LIN9: variants seen among roughly 807,000 people sequenced by gnomAD.
LIN9 encodes protein lin-9 homolog.
A neutral mutation model predicts 78.0 loss-of-function variants in LIN9; 18 were observed. That is an observed-to-expected ratio of 0.23 (90% confidence interval 0.16 to 0.34). The LOEUF (loss-of-function observed/expected upper bound fraction) is 0.34. Ranked by LOEUF, LIN9 falls within the 10% of genes least tolerant of loss-of-function variation. The pLI, the probability that LIN9 is intolerant of heterozygous loss-of-function variation, is 1.00. For missense variants in LIN9, 451 were observed against 644.1 expected (o/e 0.70, Z 3.25); for synonymous variants, 192 against 215.2 (o/e 0.89, Z 0.94).
At chr1:226,252,337 T>TG (rs1576293636) in intron 10 of LIN9, among the ~76,000 whole-genome samples, 1 of 151,732 alleles carries the variant, frequency 6.6e-6, no homozygotes, top group South Asian at 2.1e-4. Context: ...AATGAATGAA[T>TG]GTCTCCTATC....
chr1:226,273,239 T>C (rs1312305720), intron 7 of LIN9, among the ~76,000 whole-genome samples: 2 of 150,906 alleles, frequency 1.3e-5, no homozygotes, highest in African/African-American at 4.9e-5. Context: ...CTGCCATCTT[T>C]TTTTTTTAAT....
At chr1:226,279,787 A>AT (rs1234561525) in intron 6 of LIN9, among the ~76,000 whole-genome samples, 1 of 150,096 alleles carries the variant, frequency 6.7e-6, no homozygotes, top group African/African-American at 2.4e-5. Flanking sequence ...AAAAAAAAAA[A>AT]GGAAGGAAAG....
intron 7 of LIN9, among the ~76,000 whole-genome samples, chr1:226,273,058 T>C (rs928035536): frequency 2.6e-5 from 4 of 151,984 alleles, no homozygotes; most frequent in South Asian, 2.1e-4. Flanking sequence ...CCTCGTGCCT[T>C]GGCCTCCCCC....
intron 1 of LIN9, among the ~76,000 whole-genome samples, chr1:226,306,154 G>A (rs11579072): frequency 0.23 from 35,175 of 151,618 alleles, 4,372 homozygotes; most frequent in South Asian, 0.33. Flanking sequence ...GTGAAACCCC[G>A]CCTCTACTAA....
At position 226,305,315 on chromosome 1, in the gene LIN9, GAAAAAAAA is replaced by G. The variant is rs111859953; in HGVS notation, c.31+3786_31+3793del. 2.2e-3 allele frequency among the ~76,000 whole-genome samples: 171 copies of G among 77,552 alleles called. No individual in the cohort carries two copies. The Middle Eastern group carries it at 0.037, about 17-fold the overall frequency. 50.9% of individuals were successfully genotyped at this position (77,552 alleles called of 152,430 possible). A position where few individuals can be genotyped will look rare whatever the true frequency, so the allele number is the denominator to read the frequency against. ...GGAGACCTCGTCTCTACAAAAAAAA[GAAAAAAAA>G]AAAAAAAAAAAAAAAAAACCTTAGT... is the stretch of plus-strand genomic sequence containing the variant. On this transcript the variant is annotated intron_variant, in intron 1 of 14. Coordinates refer to ENST00000681046, the MANE Select transcript of LIN9 (RefSeq NM_001366245.2).
intron 4 of LIN9, among the ~76,000 whole-genome samples, chr1:226,288,667 G>A (rs1247178995): frequency 6.6e-6 from 1 of 151,966 alleles, no homozygotes; most frequent in Non-Finnish European, 1.5e-5. Context: ...GTTTATAACA[G>A]CACAAAAATG....
intron 6 of LIN9, among the ~76,000 whole-genome samples, chr1:226,280,757 G>C (rs1027264851): frequency 6.6e-6 from 1 of 152,062 alleles, no homozygotes; most frequent in East Asian, 1.9e-4. Flanking sequence ...CCTGGCAACA[G>C]AGCGAGACTC....
chr1:226,247,730 G>A (rs1269131337), intron 11 of LIN9, among the ~76,000 whole-genome samples: 1 of 145,838 alleles, frequency 6.9e-6, no homozygotes, highest in Non-Finnish European at 1.5e-5. Context: ...AGAGTACAGT[G>A]GCACAATCTT....
chr1:226,296,841 G>A (rs1236165725), intron 3 of LIN9, among the ~76,000 whole-genome samples: 1 of 151,842 alleles, frequency 6.6e-6, no homozygotes, highest in African/African-American at 2.4e-5. Context: ...GGCAACACAA[G>A]GAGACCCCAT....
At chr1:226,279,471 C>CA (rs924132025) in intron 6 of LIN9, among the ~76,000 whole-genome samples, 6 of 148,964 alleles carry the variant, frequency 4.0e-5, no homozygotes, top group Non-Finnish European at 7.4e-5. Context: ...CCCACCCACC[C>CA]AAAAAAAAGA....
intron 1 of LIN9, among the ~76,000 whole-genome samples, chr1:226,305,325 A>C (rs1662839110): frequency 6.7e-6 from 1 of 149,302 alleles, no homozygotes; most frequent in South Asian, 2.1e-4. Context: ...GAAAAAAAAA[A>C]AAAAAAAAAA....
At chr1:226,236,626 T>G (rs1657734852) in intron 12 of LIN9, among the ~76,000 whole-genome samples, 2 of 152,064 alleles carry the variant, frequency 1.3e-5, no homozygotes, top group African/African-American at 2.4e-5. Context: ...CAGCTAATTT[T>G]TTTTGTATTT....
intron 11 of LIN9, among the ~76,000 whole-genome samples, chr1:226,246,100 C>T (rs1658460569): frequency 6.6e-6 from 1 of 152,188 alleles, no homozygotes; most frequent in African/African-American, 2.4e-5. Context: ...GATTAATCCA[C>T]ATATTTACCC....
intron 6 of LIN9, among the ~76,000 whole-genome samples, chr1:226,280,989 T>A (rs1661013128): frequency 6.6e-6 from 1 of 152,178 alleles, no homozygotes; most frequent in Non-Finnish European, 1.5e-5. Context: ...TAGCACTATT[T>A]ACAATAGCCA....
In LIN9 at chr1:226,244,876, A is replaced by C. The variant is rs1480797460; in HGVS notation, c.1120-5780T>G. Among the ~76,000 whole-genome samples the C allele has an allele frequency of 3.9e-5, 6 of 152,204 alleles. 1 individual carries two copies. The highest frequency in any genetic ancestry group is 2.6e-4 in the Admixed American group (4 of 15,280). Reference sequence around the variant, plus strand: ...CTTCAATTAACTTATATTCCCACCTAAAGTGTATAAACATGCTCCTTCTTG... The same window carrying C: ...CTTCAATTAACTTATATTCCCACCTCAAGTGTATAAACATGCTCCTTCTTG... On this transcript the variant is annotated intron_variant, in intron 11 of 14. Transcript: ENST00000681046.
chr1:226,262,432 A>C (rs1659647841), intron 10 of LIN9, among the ~76,000 whole-genome samples: 1 of 152,252 alleles, frequency 6.6e-6, no homozygotes, highest in African/African-American at 2.4e-5. Context: ...AAACCCAACA[A>C]TAAGAAAACA....
chr1:226,287,605 C>T, intron 5 of LIN9, 59 bp downstream of exon 5: 1 of 1,246,742 alleles, frequency 8.0e-7, no homozygotes, highest in South Asian at 1.5e-5. Flanking sequence ...GCTTAAAACA[C>T]TTGAAAAACT....
intron 1 of LIN9, among the ~76,000 whole-genome samples, chr1:226,303,589 T>C (rs1310952316): frequency 6.6e-6 from 1 of 152,142 alleles, no homozygotes; most frequent in African/African-American, 2.4e-5. Context: ...AACCTTTTTT[T>C]TCTTTTTCGT....
At chr1:226,254,246 G>C (rs1319175927) in intron 10 of LIN9, among the ~76,000 whole-genome samples, 3 of 152,180 alleles carry the variant, frequency 2.0e-5, no homozygotes, top group Non-Finnish European at 4.4e-5. Context: ...AAAGTGCTGG[G>C]ATTGTAGGTG....
Sources: allele counts gnomAD v4.1 joint callset (sites outside exome capture counted in the v4.1 genomes callset), GRCh38; gene constraint gnomAD v4.1.1; transcripts MANE v1.5; gene names NCBI Gene and HGNC (gene_info 2026-07-23, HGNC 2026-07-21).